DNAH5: variants seen among roughly 807,000 people sequenced by gnomAD.
The protein encoded by DNAH5 is axonemal beta dynein heavy chain 5.
In DNAH5, 372 loss-of-function variants were observed where a neutral mutation model predicts 518.2. The observed-to-expected ratio is 0.72, with a 90% confidence interval of 0.66 to 0.78. The LOEUF (loss-of-function observed/expected upper bound fraction) is 0.78, where lower values mean the gene tolerates loss of function less well. Ranked by LOEUF, DNAH5 falls within the 30% of genes least tolerant of loss-of-function variation. The pLI, the probability that DNAH5 is intolerant of heterozygous loss-of-function variation, is 0.00. For missense variants in DNAH5, 5,523 were observed against 5,687.0 expected, an observed-to-expected ratio of 0.97 and a Z score of 0.93; for synonymous variants, 2,039 against 2,025.9, an observed-to-expected ratio of 1.01 and a Z score of -0.17.
intron 1 of DNAH5, among the ~76,000 whole-genome samples, chr5:13,984,568 G>A (rs1276979945): frequency 6.7e-6 from 1 of 149,758 alleles, no homozygotes; most frequent in African/African-American, 2.5e-5. Context: ...ACACTATGTT[G>A]TATAGGAGTG....
chr5:13,890,109 G>A (rs944150154), intron 17 of DNAH5, among the ~76,000 whole-genome samples: 7 of 152,206 alleles, frequency 4.6e-5, no homozygotes, highest in South Asian at 4.2e-4. Flanking sequence ...AATGAGCTAC[G>A]AAAAGTTAAA....
intron 22 of DNAH5, among the ~76,000 whole-genome samples, chr5:13,875,736 G>A (rs1485729029): frequency 1.3e-5 from 2 of 152,066 alleles, no homozygotes; most frequent in African/African-American, 4.8e-5. Flanking sequence ...TATTTATTGA[G>A]TTACCTGAAT....
chr5:13,847,579 C>G lies in DNAH5; in HGVS notation c.5115-2586G>C, dbSNP rs569883296. On this transcript the variant is annotated intron_variant, in intron 31 of 78. Coordinates refer to ENST00000265104, the MANE Select transcript of DNAH5 (RefSeq NM_001369.3). ...TACTAAAAAAAATGCCAAAAAATAG[C>G]TGGGCATGGTGGCATGCCCCTGTAT... Among the ~76,000 whole-genome samples the G allele has an allele frequency of 4.6e-5, 7 of 151,530 alleles. No homozygotes were observed. The East Asian group carries it at 9.7e-4, about 21-fold the overall frequency.
chr5:13,898,352 T>A (rs1774167835), intron 15 of DNAH5: 2 of 388,222 alleles, frequency 5.2e-6, no homozygotes, highest in Non-Finnish European at 9.1e-6. Flanking sequence ...ATAATTATAG[T>A]TTCTTAGTAA....
chr5:13,764,791 AT>A (rs1331922771), intron 59 of DNAH5, among the ~76,000 whole-genome samples: 1 of 152,220 alleles, frequency 6.6e-6, no homozygotes, highest in Admixed American at 6.5e-5. Flanking sequence ...TAAGCCCAAA[AT>A]TCATCAAAAG....
intron 1 of DNAH5, among the ~76,000 whole-genome samples, chr5:13,978,316 C>T (rs1782422389): frequency 6.6e-6 from 1 of 152,164 alleles, no homozygotes; most frequent in Admixed American, 6.5e-5. Context: ...ACATTTAGAT[C>T]AGTAGACTTC....
At chr5:13,872,236 C>A (rs1260555029) in intron 22 of DNAH5, among the ~76,000 whole-genome samples, 3 of 152,080 alleles carry the variant, frequency 2.0e-5, no homozygotes. Flanking sequence ...TGCCTAAGGT[C>A]AGATAGGTGG....
intron 35 of DNAH5, among the ~76,000 whole-genome samples, chr5:13,837,942 C>T (rs1178438747): frequency 1.3e-5 from 2 of 152,136 alleles, no homozygotes; most frequent in Non-Finnish European, 2.9e-5. Context: ...CCTTGTGTTC[C>T]ACCCACTTCG....
At chr5:13,865,006 CTTTTTT>C (rs70964512) in intron 27 of DNAH5, among the ~76,000 whole-genome samples, 30 of 124,954 alleles carry the variant, frequency 2.4e-4, no homozygotes, top group African/African-American at 4.0e-4. Context: ...ACAAATAGCT[CTTTTTT>C]TTTTTTTTTT....
intron 59 of DNAH5, among the ~76,000 whole-genome samples, chr5:13,765,564 A>C (rs1358690704): frequency 6.6e-6 from 1 of 152,212 alleles, no homozygotes; most frequent in Non-Finnish European, 1.5e-5. Context: ...GTATATACAT[A>C]TGTAAATATT....
Position 13,729,536 on chromosome 5 carries a change from G to A in DNAH5, c.11786C>T (p.Ala3929Val). ...IKGGASLDLKACPPKPSKWIL... is the reference protein window; with the variant it reads ...IKGGASLDLKVCPPKPSKWIL... ...CCATTTTGATGGTTTTGGAGGACAA[G>A]CTTTAAGGTCTAATGAGGCACCTCC... Residue 3929 changes from alanine to valine, a missense_variant, in exon 69 of 79, where the codon GCT becomes GTT. Coordinates refer to ENST00000265104, the MANE Select transcript of DNAH5 (RefSeq NM_001369.3). 1 of 1,613,620 alleles carries A rather than the reference G, an allele frequency of 6.2e-7. No individual in the cohort carries two copies.
chr5:14,011,534 C>G (rs1459492446), intron 1 of DNAH5, among the ~76,000 whole-genome samples: 2 of 152,182 alleles, frequency 1.3e-5, no homozygotes, highest in East Asian at 1.9e-4. Context: ...GAGCCCCTCC[C>G]TGGTCTCTGC....
chr5:13,956,729 A>AT (rs1165079658), intron 1 of DNAH5, among the ~76,000 whole-genome samples: 1 of 152,146 alleles, frequency 6.6e-6, no homozygotes, highest in African/African-American at 2.4e-5. Context: ...CAACTGCCAC[A>AT]TTTTTTCCTG....
chr5:13,993,566 G>C (rs138962027), intron 1 of DNAH5, among the ~76,000 whole-genome samples: 112 of 152,266 alleles, frequency 7.4e-4, no homozygotes, highest in African/African-American at 2.6e-3. Context: ...AAGTGTAATT[G>C]CCCTATATGC....
intron 69 of DNAH5, among the ~76,000 whole-genome samples, chr5:13,728,254 A>T (rs187940839): frequency 5.0e-4 from 76 of 152,318 alleles, no homozygotes; most frequent in Non-Finnish European, 7.5e-4. Flanking sequence ...TCTGCAGCTT[A>T]AAACACCAAA....
intron 75 of DNAH5, among the ~76,000 whole-genome samples, chr5:13,713,434 C>CATATAT (rs200836910): frequency 0.025 from 1,770 of 70,544 alleles, 49 homozygotes; most frequent in Admixed American, 0.036. Context: ...TATACATCGA[C>CATATAT]ATATATATAT....
At position 13,919,272 on chromosome 5, in the gene DNAH5, T is replaced by C. The variant is rs781170503; in HGVS notation, c.879A>G (p.Arg293=). The change falls in exon 7 of 79, where the codon AGA becomes AGG. Residue 293 remains arginine, a synonymous_variant. Transcript: ENST00000265104. ...PRAELEHWKK[R]LSKFNYLLEQ... ...CCAAAAGGTAGTTAAACTTGGAGAG[T>C]CTTTTTTTCCAGTGCTCCAGCTCCG... 6.2e-7 allele frequency: 1 copy of C among 1,614,014 alleles called. No homozygotes were observed. The highest frequency in any genetic ancestry group is 8.5e-7 in the Non-Finnish European group (1 of 1,180,002).
At position 13,901,320 on chromosome 5, in the gene DNAH5, T is replaced by C. The variant is rs144719403; in HGVS notation, c.1984A>G (p.Ser662Gly). The C allele has an allele frequency of 6.2e-7, 1 of 1,614,188 alleles. No individual in the cohort carries two copies. The highest frequency in any genetic ancestry group is 8.5e-7 in the Non-Finnish European group (1 of 1,180,010). The change falls in exon 14 of 79, where the codon AGT becomes GGT. Residue 662 changes from serine (S) to glycine (G), a missense_variant. Around this residue, in one of 3 missense-constraint regions of DNAH5, gnomAD observed 5,121 missense variants for 5,223.3 expected, o/e 0.98. Transcript: ENST00000265104. Reference sequence around the variant, plus strand: ...AGGACCTTGGCCATCCTGTTGTAACTGCGAATTATAGGTTTGGCTTCTGCC... The same window carrying C: ...AGGACCTTGGCCATCCTGTTGTAACCGCGAATTATAGGTTTGGCTTCTGCC... ...STAEAKPIIR[S>G]YNRMAKVLLE... is the part of the protein sequence containing the mutation.
At chr5:13,937,283 C>A (rs185702742) in intron 1 of DNAH5, among the ~76,000 whole-genome samples, 1 of 147,936 alleles carries the variant, frequency 6.8e-6, no homozygotes, top group East Asian at 2.0e-4. Flanking sequence ...AGCAGGAGAC[C>A]CCATACAAGG....
Sources: allele counts gnomAD v4.1 joint callset (sites outside exome capture counted in the v4.1 genomes callset), GRCh38; gene constraint gnomAD v4.1.1; regional missense constraint gnomAD v4.1.1; transcripts MANE v1.5; gene names NCBI Gene and HGNC (gene_info 2026-07-23, HGNC 2026-07-21).